Variants in ESRRB observed in about 807,000 individuals in gnomAD.
ESRRB encodes the protein steroid hormone receptor ERR2.
In ESRRB, 16 loss-of-function variants were observed where a neutral mutation model predicts 46.0. The ratio of observed to expected loss-of-function variants is 0.35; its 90% CI spans 0.24 to 0.53. The LOEUF is 0.53. Ranked by LOEUF, ESRRB falls within the 20% of genes least tolerant of loss-of-function variation. ESRRB has a pLI of 0.93. For missense variants in ESRRB, 488 were observed against 607.4 expected (o/e 0.80, Z 2.07); for synonymous variants, 246 against 259.6 (o/e 0.95, Z 0.50).
chr14:76,358,373 AAGAAAGAAAGAAAG>A (rs1884418895), intron 1 of ESRRB, among the ~76,000 whole-genome samples: 2 of 80,042 alleles, frequency 2.5e-5, no homozygotes, highest in Non-Finnish European at 5.9e-5. Context: ...GAAAGAAAGA[AAGAAAGAAAGAAAG>A]AAAGAAAGAA....
chr14:76,395,746 T>C (rs1022998586), intron 1 of ESRRB, among the ~76,000 whole-genome samples: 1 of 150,704 alleles, frequency 6.6e-6, no homozygotes, highest in Non-Finnish European at 1.5e-5. Context: ...AAAAGAAAAT[T>C]ATAAATTCAT....
At position 76,432,815 on chromosome 14, in the gene ESRRB, C is replaced by G. The variant is rs1392060215; in HGVS notation, c.51-6526C>G. Among the ~76,000 whole-genome samples the G allele has an allele frequency of 4.7e-5, 6 of 128,248 alleles. 1 individual carries two copies. Among genetic ancestry groups the G allele is most frequent in the Non-Finnish European group, 8.0e-5 (5 of 62,482 alleles). The allele number at this position is 128,248 out of a possible 152,430, so 84.1% of individuals were successfully genotyped here. A position where few individuals can be genotyped will look rare whatever the true frequency, so the allele number is the denominator to read the frequency against. Reference sequence around the variant, plus strand: ...TTCAGCCTCCCAGTAGCTAGGACTACAGGCGCATGCCACCATACCCAGCTA... The same window carrying G: ...TTCAGCCTCCCAGTAGCTAGGACTAGAGGCGCATGCCACCATACCCAGCTA... On this transcript the variant is annotated intron_variant, in intron 1 of 6. Transcript: ENST00000644823.
chr14:76,381,447 T>G (rs1885012960), intron 1 of ESRRB, among the ~76,000 whole-genome samples: 1 of 152,054 alleles, frequency 6.6e-6, no homozygotes, highest in Non-Finnish European at 1.5e-5. Flanking sequence ...CTGGGAGAGA[T>G]CCGTAGTTGG....
chr14:76,420,374 A>G (rs949616038), intron 1 of ESRRB, among the ~76,000 whole-genome samples: 3 of 152,214 alleles, frequency 2.0e-5, no homozygotes, highest in South Asian at 2.1e-4. Context: ...AGCAGACACC[A>G]TATCAGTTAG....
At chr14:76,317,288 T>C (rs921563523) in intron 1 of ESRRB, among the ~76,000 whole-genome samples, 3 of 150,184 alleles carry the variant, frequency 2.0e-5, no homozygotes, top group South Asian at 4.2e-4. Flanking sequence ...TATTCAGGAG[T>C]AAAATTATTG....
At chr14:76,381,330 C>T (rs115931040) in intron 1 of ESRRB, among the ~76,000 whole-genome samples, 2,227 of 152,174 alleles carry the variant, frequency 0.015, 64 homozygotes, top group African/African-American at 0.051. Flanking sequence ...TAACCCTCAC[C>T]GGGCCAGCCT....
intron 1 of ESRRB, among the ~76,000 whole-genome samples, chr14:76,390,804 A>T (rs1051589002): frequency 2.6e-5 from 4 of 152,228 alleles, no homozygotes; most frequent in Admixed American, 2.6e-4. Flanking sequence ...AGGTATGCTG[A>T]AGCCTCCAGG....
At chr14:76,384,647 C>T (rs1173774750) in intron 1 of ESRRB, among the ~76,000 whole-genome samples, 1 of 152,172 alleles carries the variant, frequency 6.6e-6, no homozygotes, top group Non-Finnish European at 1.5e-5. Flanking sequence ...CTACTGCCGG[C>T]TTCTATGCCC....
At chr14:76,463,044 CG>C (rs1020389381) in intron 3 of ESRRB, among the ~76,000 whole-genome samples, 1 of 152,168 alleles carries the variant, frequency 6.6e-6, no homozygotes. Flanking sequence ...ACATTAAGTC[CG>C]GGAATGATAA....
chr14:76,453,535 C>T (rs952371091), intron 2 of ESRRB, among the ~76,000 whole-genome samples: 6 of 151,504 alleles, frequency 4.0e-5, no homozygotes, highest in Non-Finnish European at 8.8e-5. Context: ...CTGTTTTTCT[C>T]GTATTTTCTC....
At chr14:76,423,335 G>C (rs1266473983) in intron 1 of ESRRB, among the ~76,000 whole-genome samples, 1 of 151,860 alleles carries the variant, frequency 6.6e-6, no homozygotes, top group African/African-American at 2.4e-5. Context: ...GTAGAGACAG[G>C]GTTTCACCAT....
intron 1 of ESRRB, among the ~76,000 whole-genome samples, chr14:76,391,429 A>G (rs527528226): frequency 6.7e-4 from 102 of 152,358 alleles, no homozygotes; most frequent in African/African-American, 2.5e-3. Context: ...AGTGCACTAC[A>G]AGCCCACAGA....
chr14:76,449,067 G>A (rs1888271616), intron 2 of ESRRB, among the ~76,000 whole-genome samples: 1 of 152,106 alleles, frequency 6.6e-6, no homozygotes, highest in South Asian at 2.1e-4. Flanking sequence ...TTATGAGAAT[G>A]TATGCGCTGC....
chr14:76,375,092 T>C (rs1884716699), upstream of ESRRB, among the ~76,000 whole-genome samples: 2 of 152,134 alleles, frequency 1.3e-5, no homozygotes, highest in Admixed American at 1.3e-4. Flanking sequence ...CTGCAGAATA[T>C]AGGAGAATAA....
intron 3 of ESRRB, among the ~76,000 whole-genome samples, chr14:76,478,654 T>A (rs1889678340): frequency 6.6e-6 from 1 of 151,972 alleles, no homozygotes; most frequent in African/African-American, 2.4e-5. Flanking sequence ...CTCTTATGGA[T>A]GAGGTGGACC....
chr14:76,413,272 T>G (rs1886518194), intron 1 of ESRRB, among the ~76,000 whole-genome samples: 1 of 152,200 alleles, frequency 6.6e-6, no homozygotes, highest in Non-Finnish European at 1.5e-5. Flanking sequence ...AGCTGGCCTC[T>G]GCCCACCTGT....
intron 1 of ESRRB, among the ~76,000 whole-genome samples, chr14:76,322,861 C>T (rs1883884217): frequency 6.6e-6 from 1 of 152,192 alleles, no homozygotes; most frequent in Admixed American, 6.5e-5. Context: ...GGATGCTAAT[C>T]ACATTGCTGA....
At chr14:76,386,848 G>A (rs1342109404) in intron 1 of ESRRB, among the ~76,000 whole-genome samples, 1 of 152,186 alleles carries the variant, frequency 6.6e-6, no homozygotes, top group African/African-American at 2.4e-5. Context: ...TAAATCTGCT[G>A]AATGAGGTCT....
At position 76,498,261 on chromosome 14, in the gene ESRRB, C is replaced by A; in HGVS notation, c.1168C>A (p.Leu390Met). The A allele has an allele frequency of 6.2e-7, 1 of 1,613,830 alleles. No homozygotes were observed. Among genetic ancestry groups the A allele is most frequent in the Non-Finnish European group, 8.5e-7 (1 of 1,180,004 alleles). ...DLEAVQKLQD[L>M]LHEALQDYEL... ...AGAGGCTGTCCAGAAGCTGCAGGAC[C>A]TGCTGCACGAGGCACTGCAGGACTA... Residue 390 changes from leucine (L) to methionine (M), a missense_variant, in exon 7 of 7, where the codon CTG (leucine) becomes ATG (methionine). Coordinates refer to ENST00000644823, the MANE Select transcript of ESRRB (RefSeq NM_001379180.1).
Sources: allele counts gnomAD v4.1 joint callset (sites outside exome capture counted in the v4.1 genomes callset), GRCh38; gene constraint gnomAD v4.1.1; transcripts MANE v1.5; gene names NCBI Gene and HGNC (gene_info 2026-07-23, HGNC 2026-07-21).